The following AIG1 variants were observed in gnomAD, a reference collection of about 807,000 sequenced individuals.
AIG1 encodes androgen induced 1, also known as androgen-induced gene 1 protein.
A neutral mutation model predicts 31.4 loss-of-function variants in AIG1; 23 were observed. The ratio of observed to expected loss-of-function variants is 0.73; its 90% CI spans 0.53 to 1.04. AIG1 has a LOEUF of 1.04. Among genes scored for constraint, AIG1 ranks in the 50% least tolerant of loss-of-function variants. AIG1 has a pLI of 0.00. For missense variants in AIG1, 274 were observed against 295.0 expected, an observed-to-expected ratio of 0.93 and a Z score of 0.52; for synonymous variants, 100 against 110.5, an observed-to-expected ratio of 0.90 and a Z score of 0.60.
chr6:143,300,278 T>C (rs1443956239), intron 4 of AIG1, among the ~76,000 whole-genome samples: 1 of 152,232 alleles, frequency 6.6e-6, no homozygotes, highest in Non-Finnish European at 1.5e-5. Flanking sequence ...AATTAATGTT[T>C]GTCAAAACAT....
intron 3 of AIG1, chr6:143,187,422 A>C (rs941948466): frequency 6.5e-6 from 10 of 1,535,516 alleles, no homozygotes; most frequent in Non-Finnish European, 8.7e-6. Flanking sequence ...TTGGGCTTTT[A>C]CACAGAACTA....
In AIG1 at chr6:143,326,122, AT is replaced by A. The variant is rs1371763686; in HGVS notation, c.516-7157del. On this transcript the variant is annotated intron_variant, in intron 4 of 5. Coordinates refer to ENST00000357847, the MANE Select transcript of AIG1 (RefSeq NM_016108.4). This position sits in a 1 kb window ranked among gnomAD's most constrained non-coding sequence, Gnocchi z 4.5. Reference sequence around the variant, plus strand: ...TATTGTTCCTCTCCTAGCCACTACCATTTCTGATACAATTGGTTCAGCTCAA... The same window carrying A: ...TATTGTTCCTCTCCTAGCCACTACCATTCTGATACAATTGGTTCAGCTCAA... Among the ~76,000 whole-genome samples, 1 of 152,208 alleles carries A rather than the reference AT, an allele frequency of 6.6e-6. No homozygotes were observed. Among genetic ancestry groups the A allele is most frequent in the Non-Finnish European group, 1.5e-5 (1 of 68,040 alleles).
At chr6:143,319,970 A>T (rs1210957383) in intron 4 of AIG1, among the ~76,000 whole-genome samples, 1 of 152,212 alleles carries the variant, frequency 6.6e-6, no homozygotes, top group Non-Finnish European at 1.5e-5. Flanking sequence ...ATTATAGCTG[A>T]TAAAGAATAA....
chr6:143,221,260 A>G (rs1294748087), intron 3 of AIG1, among the ~76,000 whole-genome samples: 1 of 152,140 alleles, frequency 6.6e-6, no homozygotes, highest in Non-Finnish European at 1.5e-5. Context: ...AGGTTTTCAT[A>G]CTATATCCAG....
At chr6:143,142,564 C>T (rs1463594009) in intron 2 of AIG1, among the ~76,000 whole-genome samples, 1 of 151,862 alleles carries the variant, frequency 6.6e-6, no homozygotes, top group Admixed American at 6.6e-5. Context: ...CTGAGTGGGC[C>T]TGAGGAGATC....
In AIG1 at chr6:143,280,258, C is replaced by T. The variant is rs1470246482; in HGVS notation, c.400-3852C>T. Among the ~76,000 whole-genome samples the T allele has an allele frequency of 2.0e-5, 3 of 152,160 alleles. No homozygotes were observed. The highest frequency in any genetic ancestry group is 7.2e-5 in the African/African-American group (3 of 41,426). ...TGGTGAGGTTGCGAAGAAAAGGGAA[C>T]ACTTATACACTGTTGGTGGGAGTGT... On this transcript the variant is annotated intron_variant, in intron 3 of 5. Transcript: ENST00000357847. This position sits in a 1 kb window ranked among gnomAD's most constrained non-coding sequence, Gnocchi z 4.1.
At chr6:143,074,235 G>A (rs912719431) in intron 1 of AIG1, among the ~76,000 whole-genome samples, 4 of 152,158 alleles carry the variant, frequency 2.6e-5, no homozygotes, top group African/African-American at 9.7e-5. Flanking sequence ...AAGACTTTTA[G>A]TTTGATGTAG....
At chr6:143,337,482 CGGGGTGGAGCGCG>C (rs1777586733) in intron 5 of AIG1, among the ~76,000 whole-genome samples, 1 of 151,490 alleles carries the variant, frequency 6.6e-6, no homozygotes, top group African/African-American at 2.4e-5. Flanking sequence ...AGCAGTTTGG[CGGGGTGGAGCGCG>C]GGGGGGGACA....
intron 1 of AIG1, among the ~76,000 whole-genome samples, chr6:143,071,965 T>TA (rs1273612575): frequency 6.6e-6 from 1 of 151,936 alleles, no homozygotes; most frequent in Non-Finnish European, 1.5e-5. Flanking sequence ...TTTTTAAATT[T>TA]TTTTTTTGTG....
intron 3 of AIG1, among the ~76,000 whole-genome samples, chr6:143,171,486 TAA>T (rs1411054882): frequency 5.8e-5 from 7 of 120,980 alleles, no homozygotes; most frequent in African/African-American, 2.4e-4. Context: ...TAATATATAT[TAA>T]ATATATAATA....
chr6:143,308,576 T>G (rs1232452063), intron 4 of AIG1, among the ~76,000 whole-genome samples: 1 of 152,234 alleles, frequency 6.6e-6, no homozygotes, highest in African/African-American at 2.4e-5. Context: ...GGCTTTGTTA[T>G]GCTGTCTGGC....
At chr6:143,276,742 A>G (rs9399433) in intron 3 of AIG1, among the ~76,000 whole-genome samples, 95,510 of 151,576 alleles carry the variant, frequency 0.63, 33,100 homozygotes, top group East Asian at 0.91. Flanking sequence ...GAGGGAGGGT[A>G]GCAGATTTTG....
At chr6:143,306,703 A>G (rs890388674) in intron 4 of AIG1, among the ~76,000 whole-genome samples, 1 of 151,840 alleles carries the variant, frequency 6.6e-6, no homozygotes, top group African/African-American at 2.4e-5. Context: ...CTCGAGGAGT[A>G]TCTTTGTGGC....
At chr6:143,148,679 C>T (rs1784911902) in intron 2 of AIG1, among the ~76,000 whole-genome samples, 1 of 151,948 alleles carries the variant, frequency 6.6e-6, no homozygotes, top group African/African-American at 2.4e-5. Context: ...TAAAAAGTAA[C>T]CTGCTTGGTA....
At chr6:143,203,034 T>G (rs1790829247) in intron 3 of AIG1, among the ~76,000 whole-genome samples, 1 of 152,160 alleles carries the variant, frequency 6.6e-6, no homozygotes, top group Non-Finnish European at 1.5e-5. Flanking sequence ...CCATCAAAGA[T>G]GAGAAGGTAA....
At chr6:143,217,356 TTA>T (rs1333270987) in intron 3 of AIG1, among the ~76,000 whole-genome samples, 2 of 152,218 alleles carry the variant, frequency 1.3e-5, no homozygotes, top group Non-Finnish European at 2.9e-5. Flanking sequence ...TAAATTGTGA[TTA>T]TAAATTATTG....
intron 3 of AIG1, among the ~76,000 whole-genome samples, chr6:143,200,938 A>G (rs927931285): frequency 2.0e-5 from 3 of 150,916 alleles, no homozygotes; most frequent in African/African-American, 7.3e-5. Context: ...TATCTCGTGG[A>G]TTTCCCATAG....
chr6:143,253,159 C>G (rs1413596809), intron 3 of AIG1, among the ~76,000 whole-genome samples: 1 of 152,186 alleles, frequency 6.6e-6, no homozygotes, highest in Non-Finnish European at 1.5e-5. Flanking sequence ...GGCATGAATA[C>G]CGAGCACTTG....
chr6:143,149,673 A>T (rs1785028700), intron 2 of AIG1, among the ~76,000 whole-genome samples: 1 of 152,044 alleles, frequency 6.6e-6, no homozygotes, highest in Non-Finnish European at 1.5e-5. Context: ...TCCCTTTGAT[A>T]CACTGTTTCA....
Sources: gnomAD v4.1 joint callset for allele counts (sites outside exome capture counted in the v4.1 genomes callset) on GRCh38, gnomAD v4.1.1 for gene constraint, Gnocchi (gnomAD v3.1) non-coding constraint, MANE v1.5 for transcripts, NCBI Gene and HGNC (gene_info 2026-07-23, HGNC 2026-07-21) for gene names.